Variants in PTPN13 observed in about 807,000 individuals in gnomAD.
PTPN13 encodes the protein tyrosine-protein phosphatase non-receptor type 13.
In PTPN13, 191 loss-of-function variants were observed where a neutral mutation model predicts 284.0. The ratio of observed to expected loss-of-function variants is 0.67; its 90% CI spans 0.60 to 0.76. The LOEUF is 0.76. Ranked by LOEUF, PTPN13 falls within the 30% of genes least tolerant of loss-of-function variation. The pLI, the probability that PTPN13 is intolerant of heterozygous loss-of-function variation, is 0.00. For missense variants in PTPN13, 2,797 were observed against 2,939.9 expected, an observed-to-expected ratio of 0.95 and a Z score of 1.12; for synonymous variants, 986 against 1,022.3, an observed-to-expected ratio of 0.96 and a Z score of 0.68.
chr4:86,759,553 CAG>C (rs987921381), intron 23 of PTPN13, among the ~76,000 whole-genome samples: 3 of 152,144 alleles, frequency 2.0e-5, no homozygotes, highest in African/African-American at 7.2e-5. Flanking sequence ...CTGCCTTGCA[CAG>C]AGTTATTTGT....
intron 40 of PTPN13, among the ~76,000 whole-genome samples, chr4:86,794,453 G>A (rs930621297): frequency 1.2e-4 from 19 of 152,200 alleles, no homozygotes; most frequent in East Asian, 5.8e-4. Flanking sequence ...AATCAATATC[G>A]TGAAAATGGC....
chr4:86,611,082 T>A (rs1765222665), intron 1 of PTPN13, among the ~76,000 whole-genome samples: 1 of 152,220 alleles, frequency 6.6e-6, no homozygotes, highest in Non-Finnish European at 1.5e-5. Context: ...TGTCAAGTTC[T>A]GCTATTCTTC....
chr4:86,601,508 CTTAATAT>C (rs1202701322), intron 1 of PTPN13, among the ~76,000 whole-genome samples: 1 of 152,064 alleles, frequency 6.6e-6, no homozygotes, highest in Non-Finnish European at 1.5e-5. Context: ...AATATTAAAA[CTTAATAT>C]TTAATAGAAA....
chr4:86,722,439 G>A lies in PTPN13; in HGVS notation c.1608+5G>A, dbSNP rs756514973. ...ATGACTCAAAGAAAACTGAGGGTAA[G>A]TTGATTCTCAGGTTACTACACATCT... On this transcript the variant is annotated splice_donor_5th_base_variant and intron_variant, in intron 10 of 47. Transcript: ENST00000411767. 6.2e-7 allele frequency: 1 copy of A among 1,605,116 alleles called. No individual in the cohort carries two copies. Among genetic ancestry groups the A allele is most frequent in the Non-Finnish European group, 8.5e-7 (1 of 1,171,948 alleles).
intron 42 of PTPN13, among the ~76,000 whole-genome samples, chr4:86,799,566 A>G (rs1330247902): frequency 4.0e-5 from 6 of 151,614 alleles, no homozygotes; most frequent in Non-Finnish European, 2.9e-5. Context: ...CTGACCTCAG[A>G]TGATCCACCT....
At chr4:86,787,187 C>T (rs1352556581) in intron 40 of PTPN13, among the ~76,000 whole-genome samples, 1 of 151,854 alleles carries the variant, frequency 6.6e-6, no homozygotes, top group Non-Finnish European at 1.5e-5. Flanking sequence ...TTATACTGAG[C>T]TATGACTGTT....
intron 35 of PTPN13, among the ~76,000 whole-genome samples, chr4:86,779,757 G>A (rs1408866113): frequency 1.3e-5 from 2 of 152,054 alleles, no homozygotes; most frequent in Non-Finnish European, 2.9e-5. Context: ...TCAATTATCA[G>A]CAACAATAAG....
chr4:86,607,120 A>G (rs960658721), intron 1 of PTPN13, among the ~76,000 whole-genome samples: 7 of 151,904 alleles, frequency 4.6e-5, no homozygotes, highest in African/African-American at 1.7e-4. Flanking sequence ...AGCAAAATTC[A>G]TGTTTATGAT....
chr4:86,731,776 TG>T (rs1734983697), intron 10 of PTPN13, among the ~76,000 whole-genome samples: 1 of 152,138 alleles, frequency 6.6e-6, no homozygotes, highest in African/African-American at 2.4e-5. Context: ...TCTAAGCAGC[TG>T]AACTACAGGT....
At chr4:86,712,238 A>G (rs915176813) in intron 7 of PTPN13, among the ~76,000 whole-genome samples, 6 of 151,808 alleles carry the variant, frequency 4.0e-5, no homozygotes, top group Non-Finnish European at 8.8e-5. Flanking sequence ...ATAGTTAGTA[A>G]TGTTAGCATA....
intron 17 of PTPN13, among the ~76,000 whole-genome samples, chr4:86,746,660 C>T (rs768710440): frequency 2.0e-5 from 3 of 151,880 alleles, no homozygotes; most frequent in Non-Finnish European, 2.9e-5. Context: ...TTATTTGATA[C>T]GGAGTTTCGC....
intron 37 of PTPN13, 57 bp from the exon 38 acceptor site, chr4:86,784,408 C>A: frequency 8.3e-7 from 1 of 1,198,270 alleles, no homozygotes; most frequent in Non-Finnish European, 1.2e-6. Flanking sequence ...TGCAGTCCCC[C>A]GATCCTGGAA....
At chr4:86,706,147 A>G (rs1022716705) in intron 7 of PTPN13, among the ~76,000 whole-genome samples, 3 of 152,166 alleles carry the variant, frequency 2.0e-5, no homozygotes, top group Admixed American at 2.0e-4. Context: ...TTTAAACCAA[A>G]CATCTCATTT....
At chr4:86,811,331 A>G (rs1745194978) in intron 47 of PTPN13, among the ~76,000 whole-genome samples, 1 of 152,214 alleles carries the variant, frequency 6.6e-6, no homozygotes, top group African/African-American at 2.4e-5. Context: ...TTAAAAATGC[A>G]ATATCTGCAC....
intron 43 of PTPN13, among the ~76,000 whole-genome samples, chr4:86,804,306 T>C (rs1225698642): frequency 7.9e-5 from 12 of 152,154 alleles, no homozygotes; most frequent in Admixed American, 7.2e-4. Context: ...GTACTGTCCA[T>C]ATTTACCACT....
chr4:86,651,054 G>C (rs1725023289), intron 2 of PTPN13, among the ~76,000 whole-genome samples: 1 of 152,130 alleles, frequency 6.6e-6, no homozygotes, highest in Non-Finnish European at 1.5e-5. Context: ...CTGTGAGTTT[G>C]TCATATATGG....
chr4:86,714,001 C>T (rs116573767), intron 7 of PTPN13, among the ~76,000 whole-genome samples: 2 of 151,848 alleles, frequency 1.3e-5, no homozygotes, highest in Non-Finnish European at 2.9e-5. Flanking sequence ...CCTTGATTCT[C>T]TACTGCCGTG....
intron 2 of PTPN13, among the ~76,000 whole-genome samples, chr4:86,667,430 CTT>C (rs1727209566): frequency 1.3e-5 from 2 of 151,832 alleles, no homozygotes; most frequent in South Asian, 4.1e-4. Context: ...AGTAACAAAA[CTT>C]TTGAGGAATT....
intron 12 of PTPN13, among the ~76,000 whole-genome samples, chr4:86,733,866 A>G (rs866103503): frequency 2.0e-5 from 3 of 151,258 alleles, no homozygotes; most frequent in Admixed American, 6.6e-5. Context: ...CAATAATAAT[A>G]AGTATACTAG....
Sources: allele counts gnomAD v4.1 joint callset (sites outside exome capture counted in the v4.1 genomes callset), GRCh38; gene constraint gnomAD v4.1.1; transcripts MANE v1.5; gene names NCBI Gene and HGNC (gene_info 2026-07-23, HGNC 2026-07-21).